Variants in SYTL3 observed in about 807,000 individuals in gnomAD.
The protein encoded by SYTL3 is synaptotagmin like 3, also known as synaptotagmin-like protein 3.
SYTL3 carries 88 observed loss-of-function variants against 82.1 expected under a neutral mutation model. The observed-to-expected ratio is 1.07, with a 90% confidence interval of 0.90 to 1.28. The LOEUF is 1.28. Among genes scored for constraint, SYTL3 ranks in the 50% most tolerant of loss-of-function variants. The pLI is 0.00. For synonymous variants in SYTL3, 311 were observed against 289.4 expected, an observed-to-expected ratio of 1.07 and a Z score of -0.76; for missense variants, 831 against 757.6, an observed-to-expected ratio of 1.10 and a Z score of -1.14.
intron 10 of SYTL3, among the ~76,000 whole-genome samples, chr6:158,723,649 C>T (rs117756793): frequency 0.016 from 2,499 of 152,316 alleles, 37 homozygotes; most frequent in Non-Finnish European, 0.023. Flanking sequence ...CCAGGACTTT[C>T]TTCTAGTAAA....
At chr6:158,742,349 G>T (rs942471698) in intron 11 of SYTL3, among the ~76,000 whole-genome samples, 6 of 152,170 alleles carry the variant, frequency 3.9e-5, no homozygotes, top group African/African-American at 1.4e-4. Context: ...TTAACACACA[G>T]AGTGGAGGCA....
intron 10 of SYTL3, among the ~76,000 whole-genome samples, chr6:158,720,113 A>T (rs981035267): frequency 5.9e-5 from 9 of 151,838 alleles, no homozygotes; most frequent in South Asian, 4.2e-4. Flanking sequence ...TAAAAATTTT[A>T]AAAATTGGCC....
At position 158,693,856 on chromosome 6, in the gene SYTL3, T is replaced by TTTTCTTTTCTTTTC. The variant is rs1012446535; in HGVS notation, c.394+10870_394+10871insCTTTTCTTTTCTTT. Among the ~76,000 whole-genome samples, 25 of 34,070 alleles carry TTTTCTTTTCTTTTC rather than the reference T, an allele frequency of 7.3e-4. 2 individuals carry two copies. The African/African-American group carries it at 7.4e-3, about 10-fold the overall frequency. The allele number at this position is 34,070 out of a possible 152,430, so 22.4% of individuals were successfully genotyped here. ...GCATCCAGCCTTTCTTTTTCTTTTC[T>TTTTCTTTTCTTTTC]TTTTTTTTTTTTTTTTTGTAGATAC... On this transcript the variant is annotated intron_variant, in intron 6 of 17. Coordinates refer to ENST00000611299, the MANE Select transcript of SYTL3 (RefSeq NM_001242394.2).
intron 15 of SYTL3, among the ~76,000 whole-genome samples, chr6:158,761,585 G>A (rs2128552748): frequency 6.6e-6 from 1 of 152,264 alleles, no homozygotes; most frequent in South Asian, 2.1e-4. Context: ...TGGGATTACA[G>A]GCGTGAGCCA....
chr6:158,749,590 G>A (rs1294665336), intron 12 of SYTL3, among the ~76,000 whole-genome samples: 2 of 131,826 alleles, frequency 1.5e-5, no homozygotes, highest in Admixed American at 1.7e-4. Context: ...AGCTCAACTG[G>A]TCCTACTGCC....
chr6:158,674,269 A>T (rs1190910691), intron 5 of SYTL3, among the ~76,000 whole-genome samples: 1 of 152,026 alleles, frequency 6.6e-6, no homozygotes, highest in Non-Finnish European at 1.5e-5. Context: ...GAAACAGTTC[A>T]TTCTGCTTTG....
intron 9 of SYTL3, among the ~76,000 whole-genome samples, chr6:158,717,445 A>G (rs1427936010): frequency 6.6e-6 from 1 of 151,992 alleles, no homozygotes; most frequent in Non-Finnish European, 1.5e-5. Flanking sequence ...GGGGTTCTCA[A>G]GGGAAAATGA....
rs572657697 is a variant in SYTL3, at chr6:158,691,841, C to T, written c.394+8852C>T. Among the ~76,000 whole-genome samples, 671 of 150,774 alleles carry T rather than the reference C, an allele frequency of 4.5e-3. 4 individuals are homozygous for T. The highest frequency in any genetic ancestry group is 7.1e-3 in the Non-Finnish European group (482 of 67,604). Reference sequence around the variant, plus strand: ...TAATTTTTTGTATTTTTAGTAGAGACGGGGTTTCACCGTGTTAGCCAAGAT... The same window carrying T: ...TAATTTTTTGTATTTTTAGTAGAGATGGGGTTTCACCGTGTTAGCCAAGAT... On this transcript the variant is annotated intron_variant, in intron 6 of 17. Transcript: ENST00000611299.
chr6:158,718,273 TAGC>T, intron 10 of SYTL3, 62 bp downstream of exon 10: 2 of 1,341,728 alleles, frequency 1.5e-6, no homozygotes, highest in Non-Finnish European at 1.9e-6. Context: ...CAGAACTTTC[TAGC>T]CTGCCTTCTC....
chr6:158,727,306 G>T (rs969177806), intron 11 of SYTL3, among the ~76,000 whole-genome samples: 6 of 151,554 alleles, frequency 4.0e-5, no homozygotes, highest in Non-Finnish European at 5.9e-5. Context: ...TGAGTAGCTG[G>T]GATTACAGGC....
intron 11 of SYTL3, among the ~76,000 whole-genome samples, chr6:158,735,267 A>G (rs1785999410): frequency 6.6e-6 from 1 of 152,176 alleles, no homozygotes; most frequent in Non-Finnish European, 1.5e-5. Flanking sequence ...TCAGTGGCAT[A>G]TGAGATTATG....
At chr6:158,756,717 AAATTTTTTTT>A (rs1248747476) in intron 13 of SYTL3, among the ~76,000 whole-genome samples, 2 of 53,288 alleles carry the variant, frequency 3.8e-5, no homozygotes, top group East Asian at 4.4e-3. Flanking sequence ...TCTCAAAAAA[AAATTTTTTTT>A]TTTTTTTTTT....
At chr6:158,693,855 C>CTTTTCTTTTCTTTCT (rs71030191) in intron 6 of SYTL3, among the ~76,000 whole-genome samples, 4 of 96,866 alleles carry the variant, frequency 4.1e-5, no homozygotes, top group African/African-American at 2.2e-4. Context: ...TTTTTCTTTT[C>CTTTTCTTTTCTTTCT]TTTTTTTTTT....
chr6:158,760,593 T>C, intron 14 of SYTL3, 47 bp from the exon 15 acceptor site: 4 of 1,535,968 alleles, frequency 2.6e-6, no homozygotes, highest in Non-Finnish European at 3.6e-6. Context: ...CAGAAGGTTC[T>C]TGGGACTTGG....
chr6:158,744,304 C>CTTTTTTTTTTT (rs869182913), intron 11 of SYTL3, among the ~76,000 whole-genome samples: 121 of 99,226 alleles, frequency 1.2e-3, no homozygotes, highest in East Asian at 5.4e-3. Flanking sequence ...CTTTTTCTTT[C>CTTTTTTTTTTT]TTTTTTTTTT....
At chr6:158,708,507 C>T in intron 8 of SYTL3, 116 bp downstream of exon 8, 1 of 1,009,604 alleles carries the variant, frequency 9.9e-7, no homozygotes, top group Non-Finnish European at 1.5e-6. Flanking sequence ...AGGGATCTGA[C>T]TGTGCCTGGA....
At position 158,745,631 on chromosome 6, in the gene SYTL3, GAGAAGAAA is replaced by G. The variant is rs1192492707; in HGVS notation, c.1017_1024del (p.Lys340ValfsTer79). 3 of 1,601,328 alleles carry G rather than the reference GAGAAGAAA, an allele frequency of 1.9e-6. No individual in the cohort carries two copies. The highest frequency in any genetic ancestry group is 2.7e-5 in the African/African-American group (2 of 73,808). On this transcript the variant is annotated frameshift_variant, in exon 12 of 18. Coordinates refer to ENST00000611299, the MANE Select transcript of SYTL3 (RefSeq NM_001242394.2). LOFTEE classifies it high-confidence loss of function. The stretch of plus-strand genomic sequence containing the variant: ...AAGGCCTGTAAGAACCTTGCCTATG[GAGAAGAAA>G]AGAAGAAAAAGTGCAATCCGTAAGT...
At chr6:158,745,947 C>T (rs1489789840) in intron 12 of SYTL3, among the ~76,000 whole-genome samples, 1 of 152,110 alleles carries the variant, frequency 6.6e-6, no homozygotes, top group Non-Finnish European at 1.5e-5. Flanking sequence ...TGACAGAATA[C>T]CATAGACCAG....
intron 11 of SYTL3, among the ~76,000 whole-genome samples, chr6:158,732,680 A>G (rs1213109290): frequency 1.3e-5 from 2 of 152,202 alleles, no homozygotes; most frequent in Non-Finnish European, 2.9e-5. Flanking sequence ...CGAAGGAAAA[A>G]TTTGGCGTAC....
Sources: allele counts gnomAD v4.1 joint callset (sites outside exome capture counted in the v4.1 genomes callset), GRCh38; gene constraint gnomAD v4.1.1; transcripts MANE v1.5; gene names NCBI Gene and HGNC (gene_info 2026-07-23, HGNC 2026-07-21).